ASAP1: variants seen among roughly 807,000 people sequenced by gnomAD.
ASAP1 encodes the protein ArfGAP with SH3 domain, ankyrin repeat and PH domain 1, also known as arf-GAP with SH3 domain, ANK repeat and PH domain-containing protein 1.
Under a neutral mutation model 145.2 loss-of-function variants are expected in ASAP1, and 43 were observed. That is an observed-to-expected ratio of 0.30 (90% confidence interval 0.23 to 0.38). ASAP1 has a LOEUF of 0.38. Among genes scored for constraint, ASAP1 ranks in the 10% least tolerant of loss-of-function variants. The pLI, the probability that ASAP1 is intolerant of heterozygous loss-of-function variation, is 1.00. For missense variants in ASAP1, 1,018 were observed against 1,355.3 expected (o/e 0.75, Z 3.91); for synonymous variants, 546 against 515.5 (o/e 1.06, Z -0.80).
chr8:130,072,055 G>A (rs1394018909), intron 27 of ASAP1, among the ~76,000 whole-genome samples: 2 of 152,134 alleles, frequency 1.3e-5, no homozygotes, highest in Non-Finnish European at 2.9e-5. Context: ...TATTCCGATT[G>A]TGGGTCTTAA....
intron 18 of ASAP1, among the ~76,000 whole-genome samples, chr8:130,120,358 G>T (rs2135674817): frequency 6.6e-6 from 1 of 152,334 alleles, no homozygotes; most frequent in Non-Finnish European, 1.5e-5. Context: ...ATTCAAGTCT[G>T]AGACCACGTG....
At chr8:130,221,955 A>C (rs1397702661) in intron 4 of ASAP1, among the ~76,000 whole-genome samples, 1 of 152,254 alleles carries the variant, frequency 6.6e-6, no homozygotes, top group South Asian at 2.1e-4. Context: ...TGCCTCGTAC[A>C]CGATGAGCTC....
chr8:130,333,636 C>T (rs886249011), intron 3 of ASAP1, among the ~76,000 whole-genome samples: 2 of 152,082 alleles, frequency 1.3e-5, no homozygotes, highest in Admixed American at 6.5e-5. Flanking sequence ...AAAAAACAAA[C>T]GGCATGGCTG....
At chr8:130,161,763 G>C (rs1185003059) in intron 11 of ASAP1, among the ~76,000 whole-genome samples, 2 of 152,034 alleles carry the variant, frequency 1.3e-5, no homozygotes, top group African/African-American at 2.4e-5. Context: ...GGATTTTCTT[G>C]CAAAATTCTC....
chr8:130,256,437 A>G (rs547094076), intron 3 of ASAP1, among the ~76,000 whole-genome samples: 19 of 151,970 alleles, frequency 1.3e-4, no homozygotes, highest in African/African-American at 4.3e-4. Context: ...TTCCATCACC[A>G]CTCTGAATTC....
chr8:130,055,687 C>T (rs995375281), intron 29 of ASAP1, among the ~76,000 whole-genome samples: 2 of 152,162 alleles, frequency 1.3e-5, no homozygotes, highest in Admixed American at 1.3e-4. Flanking sequence ...TAAAAATTTT[C>T]TAATTACCTC....
At chr8:130,126,940 A>G (rs1485756891) in intron 16 of ASAP1, among the ~76,000 whole-genome samples, 1 of 152,162 alleles carries the variant, frequency 6.6e-6, no homozygotes, top group Non-Finnish European at 1.5e-5. Context: ...AACCTCTCTG[A>G]GTCCCAGTTT....
intron 12 of ASAP1, among the ~76,000 whole-genome samples, chr8:130,157,059 T>C (rs927931208): frequency 6.6e-6 from 1 of 152,234 alleles, no homozygotes; most frequent in Non-Finnish European, 1.5e-5. Flanking sequence ...AACTTTTCGT[T>C]TGATGACAGA....
At chr8:130,285,046 TA>T (rs1266551106) in intron 3 of ASAP1, among the ~76,000 whole-genome samples, 1 of 152,104 alleles carries the variant, frequency 6.6e-6, no homozygotes, top group Admixed American at 6.5e-5. Context: ...CAGTCTCTAA[TA>T]AAGATGGTCC....
chr8:130,092,242 GACAC>G (rs761785261), intron 24 of ASAP1, 99 bp from the exon 25 acceptor site: 1 of 1,265,866 alleles, frequency 7.9e-7, no homozygotes, highest in Non-Finnish European at 1.1e-6. Context: ...AATGTGGTAT[GACAC>G]ACAGAGACAA....
intron 3 of ASAP1, among the ~76,000 whole-genome samples, chr8:130,264,582 CT>C (rs1565150941): frequency 6.6e-6 from 1 of 152,138 alleles, no homozygotes; most frequent in Admixed American, 6.5e-5. Flanking sequence ...GTTATCTAAG[CT>C]TTTTTTGGAA....
intron 2 of ASAP1, among the ~76,000 whole-genome samples, chr8:130,385,338 G>A (rs539699549): frequency 6.6e-6 from 1 of 152,306 alleles, no homozygotes; most frequent in South Asian, 2.1e-4. Flanking sequence ...AGCCAAAGCA[G>A]AACAGAGACT....
At chr8:130,256,739 T>TTATATATATATATATATATATATA (rs58245112) in intron 3 of ASAP1, among the ~76,000 whole-genome samples, 2 of 95,904 alleles carry the variant, frequency 2.1e-5, no homozygotes, top group Admixed American at 1.2e-4. Flanking sequence ...ATACACATTC[T>TTATATATATATATATATATATATA]TATATATATA....
chr8:130,292,908 TATAA>T (rs1822033377), intron 3 of ASAP1, among the ~76,000 whole-genome samples: 1 of 152,244 alleles, frequency 6.6e-6, no homozygotes, highest in South Asian at 2.1e-4. Flanking sequence ...AAAGGATCTA[TATAA>T]AAACATTTTA....
intron 13 of ASAP1, among the ~76,000 whole-genome samples, chr8:130,151,424 A>C (rs2097646214): frequency 6.7e-6 from 1 of 149,860 alleles, no homozygotes; most frequent in African/African-American, 2.5e-5. Context: ...TTGCTGAAGA[A>C]ATGAATAACT....
At chr8:130,405,553 A>C (rs1037632407) in intron 1 of ASAP1, among the ~76,000 whole-genome samples, 8 of 152,172 alleles carry the variant, frequency 5.3e-5, no homozygotes, top group Non-Finnish European at 1.2e-4. Context: ...TTCCACCCCT[A>C]TGGAGAGCTT....
intron 5 of ASAP1, among the ~76,000 whole-genome samples, chr8:130,191,512 C>T (rs1405702519): frequency 2.0e-5 from 3 of 151,758 alleles, no homozygotes; most frequent in Non-Finnish European, 4.4e-5. Flanking sequence ...AACACTGTTC[C>T]TACCTGTGGA....
chr8:130,250,166 C>T (rs1819105158), intron 3 of ASAP1, among the ~76,000 whole-genome samples: 1 of 152,198 alleles, frequency 6.6e-6, no homozygotes, highest in East Asian at 1.9e-4. Context: ...CCCTATTTTG[C>T]ATCCTCTGAC....
At chr8:130,244,549 C>G (rs1818732548) in intron 3 of ASAP1, among the ~76,000 whole-genome samples, 1 of 152,120 alleles carries the variant, frequency 6.6e-6, no homozygotes, top group African/African-American at 2.4e-5. Context: ...ATCATTTCCC[C>G]TCACTAGAAT....
Sources: allele counts gnomAD v4.1 joint callset (sites outside exome capture counted in the v4.1 genomes callset), GRCh38; gene constraint gnomAD v4.1.1; transcripts MANE v1.5; gene names NCBI Gene and HGNC (gene_info 2026-07-23, HGNC 2026-07-21).